NBEA: variants seen among roughly 807,000 people sequenced by gnomAD.
NBEA encodes neurobeachin.
Under a neutral mutation model 343.4 loss-of-function variants are expected in NBEA, and 44 were observed. The observed-to-expected ratio is 0.13, with a 90% CI of 0.10 to 0.16. The LOEUF is 0.16. Among genes scored for constraint, NBEA ranks in the 10% least tolerant of loss-of-function variants. The pLI is 1.00. For synonymous variants in NBEA, 1,175 were observed against 1,238.7 expected (o/e 0.95, Z 1.08); for missense variants, 2,555 against 3,631.3 (o/e 0.70, Z 7.62).
intron 47 of NBEA, among the ~76,000 whole-genome samples, chr13:35,596,227 C>T (rs555817534): frequency 1.3e-5 from 2 of 152,110 alleles, no homozygotes; most frequent in South Asian, 4.2e-4. Flanking sequence ...TGGGTAATAA[C>T]TAGTGCTAAC....
rs149254790 is a variant in NBEA, at chr13:35,191,407, T to C, written c.4928-4457T>C. ...TGGCTCTTAATTTTCATTTTGTCTC[T>C]TATGGGCGTATAAGTTAGTAATAAT... On this transcript the variant is annotated intron_variant, in intron 30 of 58. Transcript: ENST00000379939. Among the ~76,000 whole-genome samples, 308 of 152,240 alleles carry C rather than the reference T, an allele frequency of 2.0e-3. 2 individuals carry two copies. Among genetic ancestry groups the C allele is most frequent in the Admixed American group, 0.015 (228 of 15,280 alleles).
chr13:35,268,212 C>T (rs1328194435), intron 34 of NBEA, among the ~76,000 whole-genome samples: 1 of 151,906 alleles, frequency 6.6e-6, no homozygotes, highest in African/African-American at 2.4e-5. Flanking sequence ...ACATGAATGA[C>T]CCTTGAGGAC....
intron 6 of NBEA, among the ~76,000 whole-genome samples, chr13:35,054,212 G>A (rs1164297710): frequency 6.6e-6 from 1 of 151,976 alleles, no homozygotes; most frequent in African/African-American, 2.4e-5. Flanking sequence ...TAAAGTTTGT[G>A]TCTTCTGTGT....
intron 49 of NBEA, among the ~76,000 whole-genome samples, chr13:35,638,102 A>T (rs1338427534): frequency 6.6e-6 from 1 of 152,198 alleles, no homozygotes; most frequent in South Asian, 2.1e-4. Flanking sequence ...AGTGACCCCC[A>T]GGGACTAGAG....
chr13:35,377,342 C>T (rs532688764), intron 38 of NBEA, among the ~76,000 whole-genome samples: 1 of 152,252 alleles, frequency 6.6e-6, no homozygotes, highest in East Asian at 1.9e-4. Context: ...AATACAGTTC[C>T]CTGCCAATGA....
rs558165191 is a variant in NBEA, at chr13:34,958,046, T to A, written c.294+14932T>A. ...TTCAAAGACTTAGTTAAAAAATATA[T>A]CTTATTAATAATGTTTTATATTAGT... On this transcript the variant is annotated intron_variant, in intron 1 of 58. Transcript: ENST00000379939. 1.9e-4 allele frequency among the ~76,000 whole-genome samples: 29 copies of A among 152,134 alleles called. No individual in the cohort carries two copies. In the East Asian group the frequency reaches 5.6e-3, roughly 29 times the overall value.
At chr13:35,583,807 A>G in intron 45 of NBEA, 91 bp from the exon 46 acceptor site, 1 of 928,094 alleles carries the variant, frequency 1.1e-6, no homozygotes, top group Non-Finnish European at 1.6e-6. Context: ...GCTAAAATGA[A>G]TTAACAGTGA....
intron 55 of NBEA, among the ~76,000 whole-genome samples, chr13:35,659,254 G>A (rs749533113): frequency 1.3e-5 from 2 of 152,178 alleles, no homozygotes; most frequent in Non-Finnish European, 2.9e-5. Flanking sequence ...ATTGGCCTTG[G>A]TGTGGACATG....
chr13:35,056,276 A>G, intron 7 of NBEA, 147 bp downstream of exon 7: 2 of 777,692 alleles, frequency 2.6e-6, no homozygotes, highest in Non-Finnish European at 3.5e-6. Flanking sequence ...TCATTGTTAA[A>G]TTTAGTATAA....
At chr13:35,157,727 C>A (rs1007410726) in intron 21 of NBEA, among the ~76,000 whole-genome samples, 9 of 151,702 alleles carry the variant, frequency 5.9e-5, no homozygotes, top group African/African-American at 2.2e-4. Flanking sequence ...TCTTAAAAAT[C>A]TGTATGTCTA....
chr13:35,533,414 T>A (rs2078363880), intron 41 of NBEA, among the ~76,000 whole-genome samples: 1 of 152,292 alleles, frequency 6.6e-6, no homozygotes, highest in African/African-American at 2.4e-5. Context: ...TAAAAATTTA[T>A]AATACGTATA....
At position 35,620,250 on chromosome 13, in the gene NBEA, C is replaced by T. The variant is rs143779732; in HGVS notation, c.7450-7831C>T. On this transcript the variant is annotated intron_variant, in intron 48 of 58. Coordinates refer to ENST00000379939, the MANE Select transcript of NBEA (RefSeq NM_001385012.1). Reference sequence around the variant, plus strand: ...AATATCTAGTATCTTAGAAGGTGACCGGTGGTAGAAAATACCACTGCAAGA... The same window carrying T: ...AATATCTAGTATCTTAGAAGGTGACTGGTGGTAGAAAATACCACTGCAAGA... Among the ~76,000 whole-genome samples the T allele has an allele frequency of 7.9e-5, 12 of 152,048 alleles. No individual in the cohort carries two copies. The East Asian group carries it at 1.7e-3, about 22-fold the overall frequency.
At chr13:35,375,709 G>A (rs370561821) in intron 38 of NBEA, among the ~76,000 whole-genome samples, 4 of 152,108 alleles carry the variant, frequency 2.6e-5, no homozygotes, top group Admixed American at 2.6e-4. Context: ...TGAAATCATA[G>A]CATTTGTGAT....
chr13:35,399,350 T>G (rs2042893362), intron 38 of NBEA, among the ~76,000 whole-genome samples: 1 of 152,136 alleles, frequency 6.6e-6, no homozygotes, highest in South Asian at 2.1e-4. Context: ...ACTCACAGTT[T>G]GCATGGCTGG....
At chr13:35,610,898 T>A (rs1301604961) in intron 48 of NBEA, among the ~76,000 whole-genome samples, 1 of 152,024 alleles carries the variant, frequency 6.6e-6, no homozygotes, top group Non-Finnish European at 1.5e-5. Flanking sequence ...GGCAAAAGAA[T>A]CTTCAGCGAA....
At chr13:35,250,527 C>T (rs575196349) in intron 34 of NBEA, among the ~76,000 whole-genome samples, 70 of 152,026 alleles carry the variant, frequency 4.6e-4, no homozygotes, top group Non-Finnish European at 7.8e-4. Context: ...TACTTAAAAT[C>T]CATTTATTAG....
intron 38 of NBEA, among the ~76,000 whole-genome samples, chr13:35,363,722 G>A (rs942600713): frequency 2.6e-5 from 4 of 151,802 alleles, no homozygotes; most frequent in African/African-American, 4.8e-5. Flanking sequence ...ACATCTATCC[G>A]ATTCGAAGGT....
At chr13:35,563,165 A>AGATAGATAGAT (rs2079963219) in intron 44 of NBEA, among the ~76,000 whole-genome samples, 1 of 151,622 alleles carries the variant, frequency 6.6e-6, no homozygotes, top group Non-Finnish European at 1.5e-5. Context: ...ATAGATAGAT[A>AGATAGATAGAT]GATAGATAGA....
At chr13:34,988,492 C>T (rs2152513587) in intron 1 of NBEA, among the ~76,000 whole-genome samples, 1 of 151,158 alleles carries the variant, frequency 6.6e-6, no homozygotes, top group South Asian at 2.1e-4. Flanking sequence ...CTACTCAAGC[C>T]TCAGCAATGG....
Sources: allele counts gnomAD v4.1 joint callset (sites outside exome capture counted in the v4.1 genomes callset), GRCh38; gene constraint gnomAD v4.1.1; transcripts MANE v1.5; gene names NCBI Gene and HGNC (gene_info 2026-07-23, HGNC 2026-07-21).